KLHL1: variants seen among roughly 807,000 people sequenced by gnomAD.
The protein encoded by KLHL1 is kelch-like protein 1.
In KLHL1, 47 loss-of-function variants were observed where a neutral mutation model predicts 77.7. The ratio of observed to expected loss-of-function variants is 0.60; its 90% confidence interval spans 0.48 to 0.77. The LOEUF (loss-of-function observed/expected upper bound fraction) is 0.77. Ranked by LOEUF, KLHL1 falls within the 30% of genes least tolerant of loss-of-function variation. The probability of loss-of-function intolerance (pLI) is 0.00; values close to 1 mark genes in which losing one functional copy is unlikely to be tolerated. For missense variants in KLHL1, 925 were observed against 910.8 expected (o/e 1.02, Z -0.20); for synonymous variants, 360 against 325.2 (o/e 1.11, Z -1.15).
chr13:69,854,847 C>A (rs958086907), intron 5 of KLHL1, among the ~76,000 whole-genome samples: 2 of 151,926 alleles, frequency 1.3e-5, no homozygotes, highest in African/African-American at 4.8e-5. Flanking sequence ...AGGTATAGAA[C>A]GAGAATTCCA....
chr13:70,079,284 A>G (rs1887336812), intron 1 of KLHL1, among the ~76,000 whole-genome samples: 1 of 152,094 alleles, frequency 6.6e-6, no homozygotes, highest in African/African-American at 2.4e-5. Flanking sequence ...AACTCAACCC[A>G]GATTCACTGA....
intron 7 of KLHL1, among the ~76,000 whole-genome samples, chr13:69,788,503 G>C (rs535655225): frequency 7.2e-5 from 11 of 152,110 alleles, no homozygotes; most frequent in Non-Finnish European, 1.5e-4. Flanking sequence ...ACACTTCGGG[G>C]ACTGTTGTGG....
chr13:69,754,040 C>T (rs1366467042), intron 7 of KLHL1, among the ~76,000 whole-genome samples: 1 of 151,530 alleles, frequency 6.6e-6, no homozygotes, highest in African/African-American at 2.4e-5. Context: ...GGGGGTGTAC[C>T]TTTGTTGCCC....
chr13:69,789,184 A>ATCTT (rs1428026911), intron 7 of KLHL1, among the ~76,000 whole-genome samples: 5 of 152,246 alleles, frequency 3.3e-5, no homozygotes, highest in African/African-American at 1.2e-4. Context: ...TTCCACAGGA[A>ATCTT]TCTTTAGGAT....
chr13:69,780,721 T>TAC (rs1160244352), intron 7 of KLHL1, among the ~76,000 whole-genome samples: 4 of 62,874 alleles, frequency 6.4e-5, no homozygotes, highest in Admixed American at 1.4e-4. Flanking sequence ...TATATGTATA[T>TAC]ATATATATAT....
At chr13:69,713,338 T>A (rs1593765042) in intron 9 of KLHL1, among the ~76,000 whole-genome samples, 1 of 152,298 alleles carries the variant, frequency 6.6e-6, no homozygotes, top group Non-Finnish European at 1.5e-5. Flanking sequence ...CTAATAAAAA[T>A]GGTATTAGCC....
chr13:70,058,988 T>C (rs1267498602), intron 1 of KLHL1, among the ~76,000 whole-genome samples: 1 of 152,100 alleles, frequency 6.6e-6, no homozygotes, highest in African/African-American at 2.4e-5. Context: ...TAAATGGTGA[T>C]GGGAAAACTG....
At chr13:70,082,768 C>T (rs996727860) in intron 1 of KLHL1, among the ~76,000 whole-genome samples, 2 of 152,096 alleles carry the variant, frequency 1.3e-5, no homozygotes, top group Admixed American at 6.5e-5. Context: ...GGTACATATA[C>T]CCCATGGAAC....
chr13:69,786,594 C>G (rs1876562416), intron 7 of KLHL1, among the ~76,000 whole-genome samples: 1 of 152,162 alleles, frequency 6.6e-6, no homozygotes, highest in East Asian at 1.9e-4. Flanking sequence ...TGAAAACTGG[C>G]ACAAGACAGG....
chr13:69,817,521 A>T (rs1192941273), intron 6 of KLHL1, among the ~76,000 whole-genome samples: 2 of 152,248 alleles, frequency 1.3e-5, no homozygotes, highest in African/African-American at 4.8e-5. Flanking sequence ...CATTAGTGCC[A>T]CATTAGGTGA....
At chr13:69,978,043 T>C (rs1593644078) in intron 1 of KLHL1, among the ~76,000 whole-genome samples, 2 of 152,136 alleles carry the variant, frequency 1.3e-5, no homozygotes, top group African/African-American at 4.8e-5. Context: ...TGCTGTACCA[T>C]ATGTTTGCCT....
At chr13:69,952,421 C>G (rs865800045) in intron 3 of KLHL1, among the ~76,000 whole-genome samples, 27 of 151,400 alleles carry the variant, frequency 1.8e-4, no homozygotes, top group African/African-American at 6.5e-4. Context: ...AACTTTTATT[C>G]TGCATTATCC....
intron 9 of KLHL1, among the ~76,000 whole-genome samples, chr13:69,714,647 G>A (rs1353180073): frequency 6.6e-6 from 1 of 151,746 alleles, no homozygotes; most frequent in Admixed American, 6.6e-5. Context: ...AGGCTGGAGT[G>A]CAGTGGCAAA....
intron 6 of KLHL1, among the ~76,000 whole-genome samples, chr13:69,823,784 C>A (rs1219853131): frequency 1.3e-5 from 2 of 152,010 alleles, no homozygotes; most frequent in Non-Finnish European, 2.9e-5. Context: ...TCCAGAGAAA[C>A]TGAGCTTGGT....
At chr13:69,757,841 C>A (rs1874827649) in intron 7 of KLHL1, among the ~76,000 whole-genome samples, 1 of 151,230 alleles carries the variant, frequency 6.6e-6, no homozygotes, top group Admixed American at 6.6e-5. Context: ...CCTGTAATCC[C>A]AGCTACTCAG....
At chr13:69,746,546 G>A (rs191666231) in intron 7 of KLHL1, among the ~76,000 whole-genome samples, 4 of 152,018 alleles carry the variant, frequency 2.6e-5, no homozygotes, top group African/African-American at 9.6e-5. Context: ...TATACTCAAT[G>A]TAATAACTGA....
chr13:69,990,366 A>G (rs78491540), intron 1 of KLHL1, among the ~76,000 whole-genome samples: 1,684 of 152,176 alleles, frequency 0.011, 34 homozygotes, highest in African/African-American at 0.038. Context: ...ATTAAAAGGC[A>G]AAGAGTGGCA....
At chr13:69,962,581 T>G (rs1298668024) in intron 2 of KLHL1, among the ~76,000 whole-genome samples, 1 of 152,104 alleles carries the variant, frequency 6.6e-6, no homozygotes, top group African/African-American at 2.4e-5. Context: ...ACTTGGAATA[T>G]AAGCTTTACT....
At chr13:69,707,835 C>T in intron 9 of KLHL1, 39 bp from the exon 10 acceptor site, 1 of 1,500,000 alleles carries the variant, frequency 6.7e-7, no homozygotes, top group Non-Finnish European at 9.0e-7. Context: ...ATATTCTAAT[C>T]ACATTCAACT....
Sources: gnomAD v4.1 joint callset for allele counts (sites outside exome capture counted in the v4.1 genomes callset) on GRCh38, gnomAD v4.1.1 for gene constraint, MANE v1.5 for transcripts, NCBI Gene and HGNC (gene_info 2026-07-23, HGNC 2026-07-21) for gene names.